The following CDYL2 variants were observed in gnomAD, a reference collection of about 807,000 sequenced individuals.
CDYL2 encodes the protein chromodomain Y-like protein 2.
Under a neutral mutation model 49.4 loss-of-function variants are expected in CDYL2, and 23 were observed. The observed-to-expected ratio is 0.47, with a 90% CI of 0.34 to 0.66. The LOEUF (loss-of-function observed/expected upper bound fraction) is 0.66. Ranked by LOEUF, CDYL2 falls within the 30% of genes least tolerant of loss-of-function variation. CDYL2 has a pLI of 0.01. For missense variants in CDYL2, 678 were observed against 656.4 expected (o/e 1.03, Z -0.36); for synonymous variants, 360 against 268.8 (o/e 1.34, Z -3.32).
intron 5 of CDYL2, among the ~76,000 whole-genome samples, chr16:80,609,762 G>A (rs1285530351): frequency 6.6e-6 from 1 of 152,216 alleles, no homozygotes; most frequent in Non-Finnish European, 1.5e-5. Flanking sequence ...TCTTTGAAGA[G>A]AGAACTTAGG....
intron 1 of CDYL2, among the ~76,000 whole-genome samples, chr16:80,801,482 C>G (rs928826166): frequency 1.3e-5 from 2 of 152,194 alleles, no homozygotes; most frequent in Non-Finnish European, 2.9e-5. Flanking sequence ...TCTCTACAAT[C>G]CAAATCACAC....
intron 2 of CDYL2, among the ~76,000 whole-genome samples, chr16:80,671,707 C>T (rs767890513): frequency 1.3e-5 from 2 of 152,182 alleles, no homozygotes; most frequent in Non-Finnish European, 2.9e-5. Flanking sequence ...ATAAACGATA[C>T]CGAGGCTCCT....
chr16:80,599,067 G>A lies in CDYL2; in HGVS notation c.*5321C>T, dbSNP rs1170909954. On this transcript the variant is annotated 3_prime_UTR_variant, in exon 7 of 7. Transcript: ENST00000570137. Reference sequence around the variant, plus strand: ...CCAAGAGTCAGCTTCAAGAGCTCCAGCATCAGGCTAGATATAAGAGCTCCA... The same window carrying A: ...CCAAGAGTCAGCTTCAAGAGCTCCAACATCAGGCTAGATATAAGAGCTCCA... 1 of 151,692 alleles carries A rather than the reference G, an allele frequency of 6.6e-6. No homozygotes were observed. The highest frequency in any genetic ancestry group is 2.4e-5 in the African/African-American group (1 of 41,058). The allele number at this position is 151,692 out of a possible 1,614,324, so 9.4% of individuals were successfully genotyped here.
At chr16:80,643,293 T>G (rs999723542) in intron 2 of CDYL2, among the ~76,000 whole-genome samples, 1 of 152,218 alleles carries the variant, frequency 6.6e-6, no homozygotes, top group East Asian at 1.9e-4. Flanking sequence ...CCCGTGGTCT[T>G]GGGCAGCTCC....
At chr16:80,622,823 A>C (rs1222427864) in intron 3 of CDYL2, among the ~76,000 whole-genome samples, 2 of 152,218 alleles carry the variant, frequency 1.3e-5, no homozygotes, top group Non-Finnish European at 2.9e-5. Flanking sequence ...CGCTCTTCAA[A>C]GGCATGCAGC....
chr16:80,799,608 G>A (rs1907866436), intron 1 of CDYL2, among the ~76,000 whole-genome samples: 1 of 152,088 alleles, frequency 6.6e-6, no homozygotes, highest in African/African-American at 2.4e-5. Context: ...ATAATCACCA[G>A]GCCTGAACCA....
intron 4 of CDYL2, among the ~76,000 whole-genome samples, chr16:80,615,590 A>G (rs1241756165): frequency 6.6e-6 from 1 of 151,982 alleles, no homozygotes; most frequent in Non-Finnish European, 1.5e-5. Flanking sequence ...TACTGTTGCC[A>G]CCTCAGCTCC....
intron 1 of CDYL2, among the ~76,000 whole-genome samples, chr16:80,784,613 G>A (rs1454635890): frequency 1.3e-5 from 2 of 152,144 alleles, no homozygotes; most frequent in Non-Finnish European, 2.9e-5. Flanking sequence ...TTAACCTGAA[G>A]GAAAAATGTC....
intron 1 of CDYL2, among the ~76,000 whole-genome samples, chr16:80,724,685 T>C (rs928096444): frequency 5.3e-5 from 8 of 152,206 alleles, no homozygotes; most frequent in African/African-American, 1.7e-4. Flanking sequence ...AGGCCCATGA[T>C]ACAACATAGA....
chr16:80,614,755 T>G (rs148021302), intron 4 of CDYL2, among the ~76,000 whole-genome samples: 11,394 of 151,524 alleles, frequency 0.075, 1,417 homozygotes, highest in African/African-American at 0.26. Context: ...TCCCAGCTAC[T>G]TGGGAGGCTG....
intron 1 of CDYL2, among the ~76,000 whole-genome samples, chr16:80,722,604 A>C (rs1905035199): frequency 6.6e-6 from 1 of 152,210 alleles, no homozygotes; most frequent in Non-Finnish European, 1.5e-5. Context: ...TTTACAGATT[A>C]GAAAACTGAG....
chr16:80,634,691 C>G (rs1292382089), intron 2 of CDYL2, among the ~76,000 whole-genome samples: 1 of 151,852 alleles, frequency 6.6e-6, no homozygotes, highest in Non-Finnish European at 1.5e-5. Context: ...CTAAGAAAAA[C>G]TGCTCTGCCC....
chr16:80,618,923 C>A (rs747273998), intron 4 of CDYL2, among the ~76,000 whole-genome samples: 3 of 152,212 alleles, frequency 2.0e-5, no homozygotes, highest in South Asian at 4.1e-4. Flanking sequence ...TCCCAGGGAA[C>A]AGTCACCACA....
intron 1 of CDYL2, among the ~76,000 whole-genome samples, chr16:80,749,827 G>A (rs1367777513): frequency 1.3e-5 from 2 of 152,072 alleles, no homozygotes; most frequent in African/African-American, 4.8e-5. Flanking sequence ...CAAAGACTTG[G>A]AACCAACCCA....
intron 1 of CDYL2, among the ~76,000 whole-genome samples, chr16:80,710,775 G>C (rs1371309602): frequency 6.6e-6 from 1 of 152,110 alleles, no homozygotes; most frequent in Non-Finnish European, 1.5e-5. Context: ...AGAGAACTGT[G>C]TTTAAATTTT....
At chr16:80,673,444 G>A (rs762665029) in intron 2 of CDYL2, among the ~76,000 whole-genome samples, 31 of 152,132 alleles carry the variant, frequency 2.0e-4, no homozygotes, top group African/African-American at 6.5e-4. Context: ...TAATTATTTC[G>A]CTTAAATGAA....
intron 1 of CDYL2, among the ~76,000 whole-genome samples, chr16:80,703,479 C>A (rs1904315947): frequency 1.3e-5 from 2 of 152,116 alleles, no homozygotes; most frequent in Non-Finnish European, 2.9e-5. Flanking sequence ...GTCACTGGTC[C>A]CTGGACTTTC....
intron 1 of CDYL2, among the ~76,000 whole-genome samples, chr16:80,786,313 A>G (rs564229986): frequency 1.3e-5 from 2 of 152,372 alleles, no homozygotes; most frequent in South Asian, 4.1e-4. Context: ...GGATATGAAC[A>G]GACACTTCTC....
chr16:80,711,929 G>T (rs1446290847), intron 1 of CDYL2, among the ~76,000 whole-genome samples: 3 of 150,956 alleles, frequency 2.0e-5, no homozygotes, highest in Non-Finnish European at 1.5e-5. Context: ...AACCGACAGG[G>T]GAGAAGGACA....
Sources: allele counts gnomAD v4.1 joint callset (sites outside exome capture counted in the v4.1 genomes callset), GRCh38; gene constraint gnomAD v4.1.1; transcripts MANE v1.5; gene names NCBI Gene and HGNC (gene_info 2026-07-23, HGNC 2026-07-21).